DPP10: variants seen among roughly 807,000 people sequenced by gnomAD.
DPP10 encodes the protein inactive dipeptidyl peptidase 10.
A neutral mutation model predicts 120.9 loss-of-function variants in DPP10; 33 were observed. The observed-to-expected ratio is 0.27, with a 90% confidence interval of 0.21 to 0.37. DPP10 has a LOEUF of 0.37. Among genes scored for constraint, DPP10 ranks in the 10% least tolerant of loss-of-function variants. The pLI is 1.00. For synonymous variants in DPP10, 337 were observed against 326.1 expected (o/e 1.03, Z -0.36); for missense variants, 816 against 942.8 (o/e 0.87, Z 1.76).
intron 1 of DPP10, among the ~76,000 whole-genome samples, chr2:115,017,849 G>A (rs979043746): frequency 1.3e-5 from 2 of 151,358 alleles, no homozygotes; most frequent in Non-Finnish European, 2.9e-5. Context: ...CACAGGGCCT[G>A]TTGTGGGGTG....
intron 1 of DPP10, among the ~76,000 whole-genome samples, chr2:115,098,025 C>T (rs908673843): frequency 2.0e-5 from 3 of 152,172 alleles, no homozygotes; most frequent in Admixed American, 6.5e-5. Context: ...ACAGCAGATT[C>T]ATCTTTTTCA....
At chr2:114,883,057 C>G (rs747560338) in intron 1 of DPP10, among the ~76,000 whole-genome samples, 1 of 152,172 alleles carries the variant, frequency 6.6e-6, no homozygotes, top group African/African-American at 2.4e-5. Context: ...AATGCAAGCA[C>G]AGAAAAATCA....
At position 115,291,406 on chromosome 2, in the gene DPP10, T is replaced by G. The variant is rs560676058; in HGVS notation, c.61-17833T>G. 2.6e-5 allele frequency among the ~76,000 whole-genome samples: 4 copies of G among 152,214 alleles called. No individual in the cohort carries two copies. The South Asian group carries it at 8.3e-4, about 32-fold the overall frequency. ...ATTTGAAGACATAAAAATTCTAACT[T>G]TAAGCTTTACTAACCAACATAACAT... On this transcript the variant is annotated intron_variant, in intron 1 of 25. Transcript: ENST00000410059.
intron 1 of DPP10, among the ~76,000 whole-genome samples, chr2:115,191,608 G>A (rs575983447): frequency 3.0e-4 from 45 of 152,318 alleles, no homozygotes; most frequent in African/African-American, 1.0e-3. Flanking sequence ...GTTTGGTAGG[G>A]TTTTCCCCTA....
chr2:115,241,523 G>A (rs1265238125), intron 1 of DPP10, among the ~76,000 whole-genome samples: 1 of 152,140 alleles, frequency 6.6e-6, no homozygotes, highest in Non-Finnish European at 1.5e-5. Flanking sequence ...TATATTTGTA[G>A]ATTTTGTGAT....
chr2:115,124,181 G>A (rs901766865), intron 1 of DPP10, among the ~76,000 whole-genome samples: 4 of 152,072 alleles, frequency 2.6e-5, no homozygotes, highest in South Asian at 2.1e-4. Flanking sequence ...AGACTCAAGC[G>A]ATCCTCCTGC....
At chr2:114,628,001 A>G (rs137955326) in intron 1 of DPP10, among the ~76,000 whole-genome samples, 12 of 152,214 alleles carry the variant, frequency 7.9e-5, no homozygotes, top group African/African-American at 2.9e-4. Context: ...TGGATCTTGG[A>G]TTTTGCAGAT....
At chr2:115,528,873 G>C (rs67025581) in intron 5 of DPP10, among the ~76,000 whole-genome samples, 27,311 of 141,678 alleles carry the variant, frequency 0.19, 3,240 homozygotes, top group East Asian at 0.42. Flanking sequence ...AATGAGAGCA[G>C]CTTTTTTTGT....
At chr2:115,623,306 C>T (rs1374103956) in intron 5 of DPP10, among the ~76,000 whole-genome samples, 2 of 152,044 alleles carry the variant, frequency 1.3e-5, no homozygotes, top group South Asian at 2.1e-4. Context: ...TTTACGTCCT[C>T]AATCATGTTT....
At chr2:115,591,258 T>G (rs1558894465) in intron 5 of DPP10, among the ~76,000 whole-genome samples, 1 of 152,220 alleles carries the variant, frequency 6.6e-6, no homozygotes, top group Non-Finnish European at 1.5e-5. Flanking sequence ...TGGTACTGCC[T>G]AGGTTTTCTT....
intron 1 of DPP10, among the ~76,000 whole-genome samples, chr2:114,748,338 C>CTTTTT (rs1255227047): frequency 4.3e-5 from 3 of 70,286 alleles, no homozygotes; most frequent in Admixed American, 1.5e-4. Flanking sequence ...AGGGAATTTT[C>CTTTTT]TTTTTTTTTT....
chr2:115,344,700 T>C (rs1357050930), intron 3 of DPP10, among the ~76,000 whole-genome samples: 1 of 152,150 alleles, frequency 6.6e-6, no homozygotes, highest in Non-Finnish European at 1.5e-5. Context: ...AAGGGCATAA[T>C]GTGTTGGTGA....
At chr2:115,802,369 T>C (rs1349622726) in intron 19 of DPP10, among the ~76,000 whole-genome samples, 8 of 152,214 alleles carry the variant, frequency 5.3e-5, no homozygotes, top group Non-Finnish European at 8.8e-5. Flanking sequence ...TGTTGATCTT[T>C]TCAAAAAACC....
chr2:115,404,398 TG>T (rs2068351379), intron 3 of DPP10, among the ~76,000 whole-genome samples: 1 of 152,108 alleles, frequency 6.6e-6, no homozygotes, highest in Admixed American at 6.6e-5. Flanking sequence ...TCTCCAACAC[TG>T]GGGACTACAG....
At chr2:115,707,848 AT>A (rs926449515) in intron 7 of DPP10, among the ~76,000 whole-genome samples, 3 of 151,884 alleles carry the variant, frequency 2.0e-5, no homozygotes, top group Admixed American at 6.6e-5. Context: ...CAAAACAAAA[AT>A]ATCTATATAT....
intron 1 of DPP10, among the ~76,000 whole-genome samples, chr2:114,547,484 C>G (rs1203363314): frequency 4.6e-5 from 7 of 151,762 alleles, no homozygotes; most frequent in African/African-American, 1.7e-4. Flanking sequence ...CATAAAGCAG[C>G]TGCATTTTGA....
At chr2:114,859,423 A>G (rs913850614) in intron 1 of DPP10, among the ~76,000 whole-genome samples, 1 of 152,030 alleles carries the variant, frequency 6.6e-6, no homozygotes. Context: ...TCACTAGGTT[A>G]TTAAGTGTAC....
intron 1 of DPP10, among the ~76,000 whole-genome samples, chr2:115,166,503 A>G (rs999573413): frequency 1.4e-5 from 2 of 144,294 alleles, no homozygotes; most frequent in Non-Finnish European, 3.0e-5. Context: ...AATATTATAT[A>G]TTATATAAAT....
At chr2:114,576,041 C>T (rs1353300149) in intron 1 of DPP10, among the ~76,000 whole-genome samples, 1 of 152,170 alleles carries the variant, frequency 6.6e-6, no homozygotes, top group Non-Finnish European at 1.5e-5. Context: ...TGTAAAAGAA[C>T]TAGGATAAAG....
Sources: allele counts gnomAD v4.1 joint callset (sites outside exome capture counted in the v4.1 genomes callset), GRCh38; gene constraint gnomAD v4.1.1; transcripts MANE v1.5; gene names NCBI Gene and HGNC (gene_info 2026-07-23, HGNC 2026-07-21).